PHLPP2: variants seen among roughly 807,000 people sequenced by gnomAD.
PHLPP2 encodes the protein PH domain leucine-rich repeat-containing protein phosphatase 2.
PHLPP2 carries 66 observed loss-of-function variants against 124.9 expected under a neutral mutation model. The ratio of observed to expected loss-of-function variants is 0.53; its 90% confidence interval spans 0.43 to 0.65. The LOEUF is 0.65. Ranked by LOEUF, PHLPP2 falls within the 30% of genes least tolerant of loss-of-function variation. The probability of loss-of-function intolerance (pLI) is 0.00; values close to 1 mark genes in which losing one functional copy is unlikely to be tolerated. For missense variants in PHLPP2, 1,685 were observed against 1,600.4 expected (o/e 1.05, Z -0.90); for synonymous variants, 681 against 624.7 (o/e 1.09, Z -1.34).
chr16:71,715,698 G>A (rs2145385455), intron 1 of PHLPP2, among the ~76,000 whole-genome samples: 2 of 150,524 alleles, frequency 1.3e-5, no homozygotes, highest in South Asian at 4.2e-4. Context: ...GAAACTTTAG[G>A]CTGGGCAAGG....
chr16:71,666,965 A>G (rs1484203284), intron 12 of PHLPP2, among the ~76,000 whole-genome samples: 1 of 152,216 alleles, frequency 6.6e-6, no homozygotes, highest in African/African-American at 2.4e-5. Flanking sequence ...AAACCTCTTT[A>G]AGGATTTAAC....
intron 9 of PHLPP2, among the ~76,000 whole-genome samples, chr16:71,676,144 C>G (rs2044943210): frequency 6.6e-6 from 1 of 152,096 alleles, no homozygotes; most frequent in African/African-American, 2.4e-5. Flanking sequence ...GTTTGCCAAC[C>G]TGTTTTAGAC....
Position 71,648,665 on chromosome 16 carries a change from G to C in PHLPP2, c.*225C>G. The C allele has an allele frequency of 2.0e-6, 1 of 510,154 alleles. No homozygotes were observed. The highest frequency in any genetic ancestry group is 3.5e-6 in the Non-Finnish European group (1 of 289,496). 31.6% of individuals were successfully genotyped at this position (510,154 alleles called of 1,614,324 possible). A position where few individuals can be genotyped will look rare whatever the true frequency, so the allele number is the denominator to read the frequency against. ...CAGGTGCCTGTAATCCCAGCTACTCGGGAGGCTGAGACAGGAGAATGGCTT... is the reference window on the plus strand; with the variant it reads ...CAGGTGCCTGTAATCCCAGCTACTCCGGAGGCTGAGACAGGAGAATGGCTT... On this transcript the variant is annotated 3_prime_UTR_variant, in exon 19 of 19. Coordinates refer to ENST00000568954, the MANE Select transcript of PHLPP2 (RefSeq NM_015020.3).
chr16:71,699,078 C>T (rs774355915), intron 3 of PHLPP2, among the ~76,000 whole-genome samples: 20 of 152,094 alleles, frequency 1.3e-4, no homozygotes, highest in Admixed American at 4.6e-4. Context: ...TCTTTCCTTC[C>T]GTAACAATAG....
rs750379649 is a variant in PHLPP2, at chr16:71,684,518, C to G, written c.693G>C (p.Glu231Asp). 2.1e-5 allele frequency: 34 copies of G among 1,613,888 alleles called. No homozygotes were observed. In the South Asian group the frequency reaches 3.4e-4, roughly 16 times the overall value. ...AQAQTYHVSFETLAEYQRWQR... is the reference protein window; with the variant it reads ...AQAQTYHVSFDTLAEYQRWQR... ...GCCATCGCTGGTACTCGGCCAAAGTCTCGAAGCTGACATGATAGGTCTGAG... is the reference window on the plus strand; with the variant it reads ...GCCATCGCTGGTACTCGGCCAAAGTGTCGAAGCTGACATGATAGGTCTGAG... Residue 231 changes from glutamate (E) to aspartate (D), a missense_variant, in exon 5 of 19, where the codon GAG becomes GAC. Physicochemically the swap from Glu to Asp is conservative, Grantham distance 45. Transcript: ENST00000568954.
At chr16:71,702,005 G>A (rs550701340) in intron 3 of PHLPP2, among the ~76,000 whole-genome samples, 5 of 151,990 alleles carry the variant, frequency 3.3e-5, no homozygotes, top group Non-Finnish European at 5.9e-5. Flanking sequence ...GGATAAGGGG[G>A]GACTACCATA....
At position 71,658,247 on chromosome 16, in the gene PHLPP2, T is replaced by C. The variant is rs771593896; in HGVS notation, c.2265A>G (p.Thr755=). Residue 755 remains threonine, a synonymous_variant, in exon 15 of 19, where the codon ACA becomes ACG. Coordinates refer to ENST00000568954, the MANE Select transcript of PHLPP2 (RefSeq NM_015020.3). ...GNTNLVLEHK[T]LDIFSHITTL... is the part of the protein sequence containing the mutation. The stretch of plus-strand genomic sequence containing the variant: ...TTTTTTCCTACCTAAATATGTCCAG[T>C]GTCTTGTGTTCCAGAACCAGATTTG... 3 of 1,613,644 alleles carry C rather than the reference T, an allele frequency of 1.9e-6. No individual in the cohort carries two copies. In the East Asian group the frequency reaches 6.7e-5, roughly 36 times the overall value.
rs1323905105 is a variant in PHLPP2 at position 71,724,518 on chromosome 16, G to T, written c.-196C>A. ...TAATATGGCCTGTGACCCGGTTTAT[G>T]ATTTATTTGCAAGGCTGATTCAGAA... On this transcript the variant is annotated 5_prime_UTR_variant, in exon 1 of 19. Coordinates refer to ENST00000568954, the MANE Select transcript of PHLPP2 (RefSeq NM_015020.3). 1 of 152,190 alleles carries T rather than the reference G, an allele frequency of 6.6e-6. No homozygotes were observed. Among genetic ancestry groups the T allele is most frequent in the Non-Finnish European group, 1.5e-5 (1 of 68,042 alleles). The allele number at this position is 152,190 out of a possible 1,614,324, so 9.4% of individuals were successfully genotyped here. A position where few individuals can be genotyped will look rare whatever the true frequency, so the allele number is the denominator to read the frequency against.
Position 71,646,679 on chromosome 16 carries a change from TA to T in PHLPP2, c.*2210del, listed in dbSNP as rs2145297088. The T allele has an allele frequency of 8.5e-6, 1 of 117,520 alleles. No homozygotes were observed. Among genetic ancestry groups the T allele is most frequent in the East Asian group, 2.1e-4 (1 of 4,760 alleles). The allele number at this position is 117,520 out of a possible 1,614,324, so 7.3% of individuals were successfully genotyped here. A position where few individuals can be genotyped will look rare whatever the true frequency, so the allele number is the denominator to read the frequency against. On this transcript the variant is annotated 3_prime_UTR_variant, in exon 19 of 19. Coordinates refer to ENST00000568954, the MANE Select transcript of PHLPP2 (RefSeq NM_015020.3). ...ACATCACTCATCACTATCATCCTGT[TA>T]TTTCATTTTCATTTTTTCTTCATTA... is the stretch of plus-strand genomic sequence containing the variant.
At position 71,646,627 on chromosome 16, in the gene PHLPP2, G is replaced by A. The variant is rs1240393089; in HGVS notation, c.*2263C>T. ...AGACATCACTATTCTACAACCCGAAGGTTCTGCCATCTAAGTAAGATGTTT... is the reference window on the plus strand; with the variant it reads ...AGACATCACTATTCTACAACCCGAAAGTTCTGCCATCTAAGTAAGATGTTT... On this transcript the variant is annotated 3_prime_UTR_variant, in exon 19 of 19. Transcript: ENST00000568954. The A allele has an allele frequency of 6.6e-6, 1 of 151,998 alleles. No homozygotes were observed. Among genetic ancestry groups the A allele is most frequent in the Non-Finnish European group, 1.5e-5 (1 of 68,004 alleles). 9.4% of individuals were successfully genotyped at this position (151,998 alleles called of 1,614,324 possible).
intron 14 of PHLPP2, 87 bp downstream of exon 14, chr16:71,658,566 T>C (rs2044761055): frequency 7.2e-7 from 1 of 1,396,808 alleles, no homozygotes; most frequent in East Asian, 2.3e-5. Flanking sequence ...TCACACTCCT[T>C]TCTTCTTCTT....
At chr16:71,664,229 T>G in intron 12 of PHLPP2, 130 bp from the exon 13 acceptor site, 1 of 661,738 alleles carries the variant, frequency 1.5e-6, no homozygotes, top group East Asian at 2.7e-5. Context: ...AAAAAAAATC[T>G]CCACGTAGTT....
intron 1 of PHLPP2, among the ~76,000 whole-genome samples, chr16:71,715,853 G>A (rs542668430): frequency 2.2e-4 from 32 of 147,688 alleles, no homozygotes; most frequent in African/African-American, 5.8e-4. Context: ...AAAATTAGCC[G>A]AGTGTGGTGG....
chr16:71,649,741 T>G lies in PHLPP2; in HGVS notation c.3121A>C (p.Thr1041Pro), dbSNP rs374030439. The G allele has an allele frequency of 1.9e-6, 3 of 1,614,200 alleles. No homozygotes were observed. The highest frequency in any genetic ancestry group is 2.5e-6 in the Non-Finnish European group (3 of 1,180,028). ...VYLNIGEEGC[T>P]CEMNGLTLPG... ...AGGGTGAGCCCATTCATTTCACAAG[T>G]GCAGCCTTCCTCACCAATATTCAAA... The change falls in exon 19 of 19, where the codon ACT (threonine) becomes CCT (proline). Residue 1041 changes from threonine (T) to proline (P), a missense_variant. Physicochemically the swap from Thr to Pro is conservative, Grantham distance 38. Coordinates refer to ENST00000568954, the MANE Select transcript of PHLPP2 (RefSeq NM_015020.3).
intron 3 of PHLPP2, among the ~76,000 whole-genome samples, chr16:71,702,216 G>A (rs543042648): frequency 4.1e-4 from 63 of 152,040 alleles, no homozygotes; most frequent in South Asian, 1.9e-3. Flanking sequence ...ACTCATCAAC[G>A]TCAAGTCATA....
chr16:71,720,954 T>C (rs1331685245), intron 1 of PHLPP2, among the ~76,000 whole-genome samples: 3 of 151,926 alleles, frequency 2.0e-5, no homozygotes, highest in African/African-American at 4.8e-5. Flanking sequence ...TATAGACTCA[T>C]ATCTGGGAAT....
At chr16:71,680,720 C>G (rs2044989199) in intron 6 of PHLPP2, among the ~76,000 whole-genome samples, 1 of 152,138 alleles carries the variant, frequency 6.6e-6, no homozygotes, top group Non-Finnish European at 1.5e-5. Flanking sequence ...GCTTCTCTTC[C>G]AAATTTTCAA....
chr16:71,699,530 A>G (rs1478501221), intron 3 of PHLPP2, among the ~76,000 whole-genome samples: 1 of 152,178 alleles, frequency 6.6e-6, no homozygotes, highest in African/African-American at 2.4e-5. Flanking sequence ...CTCTTCACTG[A>G]GAGCTGCTTT....
intron 5 of PHLPP2, among the ~76,000 whole-genome samples, chr16:71,683,250 G>A (rs951707794): frequency 9.2e-5 from 14 of 151,942 alleles, no homozygotes; most frequent in Non-Finnish European, 1.6e-4. Flanking sequence ...ACAAAATCCT[G>A]CAAAGATGGC....
Sources: gnomAD v4.1 joint callset for allele counts (sites outside exome capture counted in the v4.1 genomes callset) on GRCh38, gnomAD v4.1.1 for gene constraint, MANE v1.5 for transcripts, NCBI Gene and HGNC (gene_info 2026-07-23, HGNC 2026-07-21) for gene names.